Variants in IL1RAPL1 observed in about 807,000 individuals in gnomAD.
IL1RAPL1 encodes the protein interleukin 1 receptor accessory protein like 1.
In IL1RAPL1, 3 loss-of-function variants were observed where a neutral mutation model predicts 48.4. The ratio of observed to expected loss-of-function variants is 0.06; its 90% CI spans 0.03 to 0.16. IL1RAPL1 has a LOEUF of 0.16. IL1RAPL1 is among the 10% of genes least tolerant of loss of function. The pLI is 1.00. For missense variants in IL1RAPL1, 349 were observed against 530.6 expected, an observed-to-expected ratio of 0.66 and a Z score of 3.36; for synonymous variants, 185 against 187.7, an observed-to-expected ratio of 0.99 and a Z score of 0.12.
chrX:29,787,484 A>G (rs1215907686), intron 6 of IL1RAPL1, among the ~76,000 whole-genome samples: 3 of 112,177 alleles, frequency 2.7e-5, no homozygotes, highest in African/African-American at 9.7e-5. Flanking sequence ...GTAATGTGTT[A>G]TTTTTTGAAT....
chrX:29,838,175 A>G (rs1931058200), intron 6 of IL1RAPL1, among the ~76,000 whole-genome samples: 1 of 112,153 alleles, frequency 8.9e-6, no homozygotes, highest in Non-Finnish European at 1.9e-5. Context: ...TCAGAACCAA[A>G]TCTGATTTAA....
At chrX:29,950,328 T>C (rs190839153) in intron 9 of IL1RAPL1, among the ~76,000 whole-genome samples, 44 of 112,304 alleles carry the variant, frequency 3.9e-4, no homozygotes, top group African/African-American at 1.3e-3. Context: ...ATTGGGAGTA[T>C]ATCTCCTCTA....
At chrX:29,938,903 G>C (rs748084571) in intron 8 of IL1RAPL1, among the ~76,000 whole-genome samples, 1 of 112,136 alleles carries the variant, frequency 8.9e-6, no homozygotes, top group African/African-American at 3.2e-5. Context: ...CATGTTTTGC[G>C]TATCAGTAGT....
intron 1 of IL1RAPL1, among the ~76,000 whole-genome samples, chrX:28,704,179 G>C (rs1156501969): frequency 2.7e-5 from 3 of 111,334 alleles, no homozygotes; most frequent in Non-Finnish European, 5.7e-5. Context: ...ATAGCTCTAA[G>C]CCTTCTCCAG....
At chrX:29,163,065 T>G (rs1929720812) in intron 2 of IL1RAPL1, among the ~76,000 whole-genome samples, 1 of 101,859 alleles carries the variant, frequency 9.8e-6, no homozygotes, top group Admixed American at 1.1e-4. Context: ...AGAGCAAGAC[T>G]CCGTCTCAAA....
intron 6 of IL1RAPL1, among the ~76,000 whole-genome samples, chrX:29,780,288 A>G (rs1929307978): frequency 8.9e-6 from 1 of 112,413 alleles, no homozygotes; most frequent in South Asian, 3.6e-4. Context: ...AATTGAAATT[A>G]TCTAATCTGC....
intron 6 of IL1RAPL1, among the ~76,000 whole-genome samples, chrX:29,916,255 G>T (rs1227446835): frequency 4.6e-5 from 5 of 109,513 alleles, no homozygotes; most frequent in African/African-American, 1.3e-4. Context: ...AGTCATTTGG[G>T]TATATACCCA....
chrX:29,555,528 A>G (rs1038465054), intron 5 of IL1RAPL1, among the ~76,000 whole-genome samples: 2 of 111,925 alleles, frequency 1.8e-5, no homozygotes, highest in Non-Finnish European at 3.8e-5. Flanking sequence ...CACTATCCTC[A>G]TCTCTTGAAG....
chrX:29,177,767 C>T (rs916794884), intron 2 of IL1RAPL1, among the ~76,000 whole-genome samples: 3 of 110,811 alleles, frequency 2.7e-5, no homozygotes, highest in Non-Finnish European at 3.8e-5. Context: ...ATGACAGGCC[C>T]GGTGTGTGAT....
chrX:29,280,445 T>TA (rs751974275), intron 2 of IL1RAPL1, among the ~76,000 whole-genome samples: 11 of 112,284 alleles, frequency 9.8e-5, no homozygotes, highest in African/African-American at 3.6e-4. Flanking sequence ...ACACCTTTAT[T>TA]AAAAAACAAT....
intron 6 of IL1RAPL1, among the ~76,000 whole-genome samples, chrX:29,864,619 C>A (rs1031738591): frequency 2.7e-5 from 3 of 111,429 alleles, no homozygotes; most frequent in African/African-American, 9.8e-5. Flanking sequence ...AAGGTTTCAC[C>A]CTTTAATGTG....
intron 2 of IL1RAPL1, among the ~76,000 whole-genome samples, chrX:29,111,679 A>AC (rs1928570137): frequency 9.0e-6 from 1 of 111,509 alleles, no homozygotes; most frequent in Non-Finnish European, 1.9e-5. Context: ...ATTATTTTCC[A>AC]AAATGATTCA....
Position 29,802,200 on chromosome X carries a change from C to G in IL1RAPL1, c.779-115264C>G, listed in dbSNP as rs138762001. On this transcript the variant is annotated intron_variant, in intron 6 of 10. Transcript: ENST00000378993. ...AAAATCGGCATGGAGCGTTCGGTAG[C>G]TAGCCTCTAGTAGAATTATCAGAGG... Among the ~76,000 whole-genome samples the G allele has an allele frequency of 8.0e-3, 891 of 111,763 alleles. 7 individuals are homozygous for G. Among genetic ancestry groups the G allele is most frequent in the African/African-American group, 0.027 (838 of 30,796 alleles).
In IL1RAPL1 at chrX:29,396,264, C is replaced by T. The variant is rs764586673; in HGVS notation, c.369C>T (p.Ser123=). 1 of 1,201,654 alleles carries T rather than the reference C, an allele frequency of 8.3e-7. No individual in the cohort carries two copies. Among genetic ancestry groups the T allele is most frequent in the South Asian group, 1.8e-5 (1 of 56,797 alleles). ...SGLYACVIRN[S]TYCMKVSISL... ...TTATTCTGCTTTGTTACAGAAACTC[C>T]ACTTACTGTATGAAAGTATCCATCT... The change falls in exon 4 of 11, where the codon TCC becomes TCT. Residue 123 remains serine, a synonymous_variant. Coordinates refer to ENST00000378993, the MANE Select transcript of IL1RAPL1 (RefSeq NM_014271.4).
chrX:29,803,431 G>A (rs906733651), intron 6 of IL1RAPL1, among the ~76,000 whole-genome samples: 14 of 91,763 alleles, frequency 1.5e-4, no homozygotes, highest in Non-Finnish European at 2.1e-5. Flanking sequence ...GTGTATATAT[G>A]TATACATCTA....
intron 5 of IL1RAPL1, among the ~76,000 whole-genome samples, chrX:29,432,110 C>T (rs1054627745): frequency 5.4e-5 from 6 of 111,169 alleles, no homozygotes; most frequent in African/African-American, 2.0e-4. Context: ...TGAATGAAAG[C>T]GGTTTACAGA....
intron 1 of IL1RAPL1, among the ~76,000 whole-genome samples, chrX:28,745,675 AAAC>A (rs1297364321): frequency 1.8e-5 from 2 of 111,731 alleles, no homozygotes; most frequent in African/African-American, 6.5e-5. Flanking sequence ...AGAAAACAGA[AAAC>A]AAAGAGAAAT....
At chrX:29,430,034 G>C (rs1934401449) in intron 5 of IL1RAPL1, among the ~76,000 whole-genome samples, 1 of 106,406 alleles carries the variant, frequency 9.4e-6, no homozygotes, top group African/African-American at 3.4e-5. Flanking sequence ...CAAAGTGCTG[G>C]GATTATAGAC....
intron 3 of IL1RAPL1, among the ~76,000 whole-genome samples, chrX:29,366,304 T>C (rs2147662910): frequency 9.1e-6 from 1 of 110,138 alleles, no homozygotes; most frequent in East Asian, 2.9e-4. Context: ...GGGATAACTG[T>C]ATGCTGATAG....
Sources: allele counts gnomAD v4.1 joint callset (sites outside exome capture counted in the v4.1 genomes callset), GRCh38; gene constraint gnomAD v4.1.1; transcripts MANE v1.5; gene names NCBI Gene and HGNC (gene_info 2026-07-23, HGNC 2026-07-21).